CDC14B: variants seen among roughly 807,000 people sequenced by gnomAD.
CDC14B encodes dual specificity protein phosphatase CDC14B.
In CDC14B, 22 loss-of-function variants were observed where a neutral mutation model predicts 64.2. That is an observed-to-expected ratio of 0.34 (90% CI 0.24 to 0.49). The LOEUF is 0.49. CDC14B is among the 20% of genes least tolerant of loss of function. The pLI is 0.99. For missense variants in CDC14B, 498 were observed against 629.9 expected (o/e 0.79, Z 2.24); for synonymous variants, 191 against 215.8 (o/e 0.89, Z 1.01).
At chr9:96,551,925 T>G in intron 4 of CDC14B, 53 bp from the exon 5 acceptor site, 2 of 1,559,698 alleles carry the variant, frequency 1.3e-6, no homozygotes, top group Non-Finnish European at 1.7e-6. Context: ...GAAGATACAG[T>G]GCTGTCACTG....
intron 1 of CDC14B, among the ~76,000 whole-genome samples, chr9:96,616,270 G>A (rs1216114880): frequency 6.6e-6 from 1 of 151,970 alleles, no homozygotes; most frequent in South Asian, 2.1e-4. Context: ...AGGTTGTGGT[G>A]AGCCGAGATA....
At chr9:96,550,756 G>A (rs902072725) in intron 5 of CDC14B, among the ~76,000 whole-genome samples, 2 of 152,012 alleles carry the variant, frequency 1.3e-5, no homozygotes, top group African/African-American at 2.4e-5. Context: ...TTTGATAAAC[G>A]AGCAGAAAAA....
chr9:96,559,256 C>A (rs1373948806), intron 4 of CDC14B, among the ~76,000 whole-genome samples: 1 of 152,228 alleles, frequency 6.6e-6, no homozygotes, highest in African/African-American at 2.4e-5. Flanking sequence ...AAACACGTTA[C>A]TTTCAGAAGC....
At position 96,562,770 on chromosome 9, in the gene CDC14B, T is replaced by A; in HGVS notation, c.343A>T (p.Arg115Trp). Reference sequence around the variant, plus strand: ...CCAGTAAAATGAACAATTTTCTTCCTTAACATTGTAATGGACTGCATAAAA... The same window carrying A: ...CCAGTAAAATGAACAATTTTCTTCCATAACATTGTAATGGACTGCATAAAA... ...NKKLKSITML[R>W]KKIVHFTGSD... The change falls in exon 4 of 14, where the codon AGG (arginine) becomes TGG (tryptophan). Residue 115 changes from arginine to tryptophan, a missense_variant. Arg to Trp is a moderately radical substitution (Grantham distance 101). Coordinates refer to ENST00000375241, the MANE Select transcript of CDC14B (RefSeq NM_033331.4). The A allele has an allele frequency of 6.2e-7, 1 of 1,601,002 alleles. No individual in the cohort carries two copies.
chr9:96,572,222 A>G (rs1222690436), intron 1 of CDC14B, among the ~76,000 whole-genome samples: 1 of 152,176 alleles, frequency 6.6e-6, no homozygotes, highest in Non-Finnish European at 1.5e-5. Flanking sequence ...AATAGCCTTC[A>G]TAATAAACTA....
chr9:96,548,673 C>T (rs796357605), intron 5 of CDC14B, among the ~76,000 whole-genome samples: 3 of 151,996 alleles, frequency 2.0e-5, no homozygotes, highest in African/African-American at 4.8e-5. Context: ...AAAAATTAGC[C>T]GGGCATGGTG....
At chr9:96,556,142 C>T (rs1842474839) in intron 4 of CDC14B, among the ~76,000 whole-genome samples, 1 of 152,086 alleles carries the variant, frequency 6.6e-6, no homozygotes, top group African/African-American at 2.4e-5. Context: ...AATTTAGAAC[C>T]CAAACGTTAC....
chr9:96,505,282 G>A (rs1051260186), intron 13 of CDC14B, among the ~76,000 whole-genome samples: 5 of 152,116 alleles, frequency 3.3e-5, no homozygotes, highest in African/African-American at 1.2e-4. Flanking sequence ...CCAGAGCCCC[G>A]GACCTTAGGT....
rs558293469 is a variant in CDC14B, at chr9:96,618,106, C to G, written c.160+1113G>C. Among the ~76,000 whole-genome samples, 9 of 152,294 alleles carry G rather than the reference C, an allele frequency of 5.9e-5. No individual in the cohort carries two copies. The South Asian group carries it at 1.9e-3, about 32-fold the overall frequency. ...ACCCGCTCTGCTCTCAGCTTCATTT[C>G]AAAACGAACTTAGTTTCCAGATTGT... On this transcript the variant is annotated intron_variant, in intron 1 of 13. Transcript: ENST00000375241.
chr9:96,549,206 TAA>T (rs1841435172), intron 5 of CDC14B, among the ~76,000 whole-genome samples: 1 of 152,010 alleles, frequency 6.6e-6, no homozygotes, highest in Non-Finnish European at 1.5e-5. Context: ...GTGAATAAAA[TAA>T]ATTACTAGAA....
chr9:96,619,287 A>G lies in CDC14B; in HGVS notation c.92T>C (p.Ile31Thr). ...CSSTSPGVKK[I>T]RSSTQQDPRR... ...CGGGTCTTGCTGCGTGGAGCTGCGG[A>G]TCTTCTTCACACCCGGCGAGGTCGA... is the stretch of plus-strand genomic sequence containing the variant. The change falls in exon 1 of 14, where the codon ATC (isoleucine) becomes ACC (threonine). Residue 31 changes from isoleucine to threonine, a missense_variant. Coordinates refer to ENST00000375241, the MANE Select transcript of CDC14B (RefSeq NM_033331.4). 7.4e-7 allele frequency: 1 copy of G among 1,348,452 alleles called. No individual in the cohort carries two copies. Among genetic ancestry groups the G allele is most frequent in the Non-Finnish European group, 9.6e-7 (1 of 1,045,616 alleles). The allele number at this position is 1,348,452 out of a possible 1,614,324, so 83.5% of individuals were successfully genotyped here.
At chr9:96,542,230 C>G (rs1298077312) in intron 5 of CDC14B, among the ~76,000 whole-genome samples, 1 of 144,598 alleles carries the variant, frequency 6.9e-6, no homozygotes, top group East Asian at 1.9e-4. Flanking sequence ...AGGGGCAAAG[C>G]ATTTGAATTT....
chr9:96,566,713 T>C (rs1844018903), intron 1 of CDC14B: 1 of 1,544,678 alleles, frequency 6.5e-7, no homozygotes, highest in Non-Finnish European at 8.8e-7. Context: ...CTGCCCGCCC[T>C]GTCCCAGCGC....
At chr9:96,577,777 T>C (rs1393526459) in intron 1 of CDC14B, among the ~76,000 whole-genome samples, 2 of 152,230 alleles carry the variant, frequency 1.3e-5, no homozygotes, top group African/African-American at 4.8e-5. Context: ...ATTCCAGTTC[T>C]AGATTTACAT....
At position 96,536,604 on chromosome 9, in the gene CDC14B, A is replaced by G. The variant is rs552821139; in HGVS notation, c.628-2062T>C. Among the ~76,000 whole-genome samples the G allele has an allele frequency of 2.0e-4, 31 of 152,342 alleles. No individual in the cohort carries two copies. In the South Asian group the frequency reaches 6.0e-3, roughly 30 times the overall value. ...ACATCTTTGGTACATCACAGAAACA[A>G]CTGAGTGTCATTATTAACTGAAATT... On this transcript the variant is annotated intron_variant, in intron 7 of 13. Transcript: ENST00000375241.
chr9:96,567,122 G>A, intron 1 of CDC14B: 1 of 581,906 alleles, frequency 1.7e-6, no homozygotes, highest in African/African-American at 1.9e-5. Flanking sequence ...GGAACGCGGG[G>A]CGGCCTGTGC....
At chr9:96,592,074 C>T in intron 1 of CDC14B, among the ~76,000 whole-genome samples, 1 of 151,468 alleles carries the variant, frequency 6.6e-6, no homozygotes, top group Admixed American at 6.6e-5. Context: ...CAATGTAAAA[C>T]CTTAAGGGTT....
chr9:96,611,549 A>G (rs1018963211), intron 1 of CDC14B, among the ~76,000 whole-genome samples: 1 of 152,242 alleles, frequency 6.6e-6, no homozygotes, highest in African/African-American at 2.4e-5. Flanking sequence ...GGTTATACAA[A>G]TATTCAGTAG....
intron 10 of CDC14B, 40 bp downstream of exon 10, chr9:96,523,544 CCCA>C (rs776744941): frequency 6.2e-7 from 1 of 1,611,392 alleles, no homozygotes; most frequent in Admixed American, 1.7e-5. Flanking sequence ...AGATTCCAAC[CCCA>C]CATGTTCCCT....
Sources: allele counts gnomAD v4.1 joint callset (sites outside exome capture counted in the v4.1 genomes callset), GRCh38; gene constraint gnomAD v4.1.1; transcripts MANE v1.5; gene names NCBI Gene and HGNC (gene_info 2026-07-23, HGNC 2026-07-21).